Variants in ANKLE2 observed in about 807,000 individuals in gnomAD.
ANKLE2 encodes the protein ankyrin repeat and LEM domain-containing protein 2.
Under a neutral mutation model 84.2 loss-of-function variants are expected in ANKLE2, and 55 were observed. That is an observed-to-expected ratio of 0.65 (90% CI 0.53 to 0.82). The LOEUF (loss-of-function observed/expected upper bound fraction) is 0.82. Among genes scored for constraint, ANKLE2 ranks in the 40% least tolerant of loss-of-function variants. The pLI, the probability that ANKLE2 is intolerant of heterozygous loss-of-function variation, is 0.00. For synonymous variants in ANKLE2, 551 were observed against 486.1 expected, an observed-to-expected ratio of 1.13 and a Z score of -1.76; for missense variants, 1,238 against 1,201.9, an observed-to-expected ratio of 1.03 and a Z score of -0.44.
chr12:132,727,031 A>T lies in ANKLE2; in HGVS notation c.*211T>A, dbSNP rs11834753. ...ATGGATATTTTCCAGAAAATTGGTA[A>T]CTGAGTTTGCTTTCATTAACTTCTA... On this transcript the variant is annotated 3_prime_UTR_variant, in exon 13 of 13. Transcript: ENST00000357997. The T allele has an allele frequency of 0.013, 7,724 of 596,184 alleles. 403 individuals are homozygous for T. Among genetic ancestry groups the T allele is most frequent in the African/African-American group, 0.12 (6,473 of 53,884 alleles). 36.9% of individuals were successfully genotyped at this position (596,184 alleles called of 1,614,324 possible).
intron 6 of ANKLE2, chr12:132,742,188 C>T (rs1593159750): frequency 4.0e-5 from 3 of 74,852 alleles, no homozygotes; most frequent in African/African-American, 7.0e-5. Flanking sequence ...TACAGATACA[C>T]ACACACACAC....
At position 132,729,960 on chromosome 12, in the gene ANKLE2, AAC is replaced by A; in HGVS notation, c.2200_2201del (p.Val734Ter). ...AHLPPVSDLTVEFDKLNLQNI... is the reference protein window; with the variant it reads ...AHLPPVSDLTXEFDKLNLQNI... ...TTTGCAAATTCAGTTTATCAAACTC[AAC>A]AGTCAAATCCGAGACAGGTGGCAGA... On this transcript the variant is annotated frameshift_variant, in exon 11 of 13. Transcript: ENST00000357997. LOFTEE classifies it high-confidence loss of function. 1 of 1,613,484 alleles carries A rather than the reference AAC, an allele frequency of 6.2e-7. No individual in the cohort carries two copies. Among genetic ancestry groups the A allele is most frequent in the Non-Finnish European group, 8.5e-7 (1 of 1,179,928 alleles).
chr12:132,728,732 C>T (rs771782829), intron 11 of ANKLE2, among the ~76,000 whole-genome samples: 13 of 152,306 alleles, frequency 8.5e-5, no homozygotes, highest in South Asian at 6.2e-4. Context: ...AGGGAGGAGT[C>T]GCCTCTGGGT....
At chr12:132,746,865 C>A (rs966647348) in intron 5 of ANKLE2, among the ~76,000 whole-genome samples, 1 of 152,146 alleles carries the variant, frequency 6.6e-6, no homozygotes, top group African/African-American at 2.4e-5. Flanking sequence ...CGCTCCATCC[C>A]AGTGTATAAA....
intron 10 of ANKLE2, among the ~76,000 whole-genome samples, chr12:132,732,938 G>A (rs1404728444): frequency 3.5e-5 from 5 of 142,104 alleles, no homozygotes; most frequent in East Asian, 4.1e-4. Flanking sequence ...GATATGCACC[G>A]TGTGAAGCTC....
intron 10 of ANKLE2, chr12:132,731,341 G>A (rs913445088): frequency 7.2e-5 from 11 of 152,216 alleles, no homozygotes; most frequent in East Asian, 3.8e-4. Context: ...CACTGACGTC[G>A]CTCTAGTTCT....
At position 132,730,068 on chromosome 12, in the gene ANKLE2, T is replaced by G; in HGVS notation, c.2094A>C (p.Arg698Ser). The G allele has an allele frequency of 6.2e-7, 1 of 1,612,788 alleles. No individual in the cohort carries two copies. The highest frequency in any genetic ancestry group is 8.5e-7 in the Non-Finnish European group (1 of 1,179,714). Residue 698 changes from arginine (R) to serine (S), a missense_variant, in exon 11 of 13, where the codon AGA becomes AGC. By Grantham distance (110) the Arg-to-Ser change is moderately radical (BLOSUM62 -1). Around this residue, in one of 3 missense-constraint regions of ANKLE2, gnomAD observed 802 missense variants for 774.5 expected, o/e 1.04. Transcript: ENST00000357997. ...AAEPGGPHSSRNGLCHPLNHS... is the reference protein window; with the variant it reads ...AAEPGGPHSSSNGLCHPLNHS... The stretch of plus-strand genomic sequence containing the variant: ...GATTCAGAGGATGGCAGAGCCCATT[T>G]CTGCTGCTGTGTGGACCTCCCGGCT...
At chr12:132,740,511 T>C (rs1013238285) in intron 7 of ANKLE2, among the ~76,000 whole-genome samples, 2 of 152,014 alleles carry the variant, frequency 1.3e-5, no homozygotes, top group African/African-American at 4.8e-5. Context: ...CTGCTTTAAA[T>C]AGAGACAGAG....
chr12:132,750,874 A>C, intron 2 of ANKLE2, 25 bp from the exon 3 acceptor site: 1 of 1,606,522 alleles, frequency 6.2e-7, no homozygotes, highest in South Asian at 1.1e-5. Flanking sequence ...TAACAAATGA[A>C]AATCAGAGAA....
At chr12:132,736,616 G>A (rs1009788928) in intron 8 of ANKLE2, among the ~76,000 whole-genome samples, 6 of 152,230 alleles carry the variant, frequency 3.9e-5, no homozygotes, top group African/African-American at 9.6e-5. Context: ...GGCGACACGC[G>A]CACAGGACGG....
At chr12:132,756,948 A>C (rs2044499531) in intron 1 of ANKLE2, 1 of 151,648 alleles carries the variant, frequency 6.6e-6, no homozygotes, top group Non-Finnish European at 1.5e-5. Flanking sequence ...CAACAACAAC[A>C]AAAAAAACAA....
chr12:132,733,888 T>C, intron 10 of ANKLE2: 1 of 451,600 alleles, frequency 2.2e-6, no homozygotes. Flanking sequence ...AATGAAACTA[T>C]ATTAGATTTT....
chr12:132,748,383 C>A, intron 3 of ANKLE2, 52 bp from the exon 4 acceptor site: 1 of 1,599,926 alleles, frequency 6.3e-7, no homozygotes, highest in South Asian at 1.1e-5. Flanking sequence ...AAAAGTCACT[C>A]ATCACCCATG....
intron 7 of ANKLE2, among the ~76,000 whole-genome samples, chr12:132,740,082 T>C (rs1238542008): frequency 1.3e-5 from 2 of 152,220 alleles, no homozygotes; most frequent in Non-Finnish European, 2.9e-5. Flanking sequence ...TCTGACAGTG[T>C]GGTTTGAAAA....
chr12:132,734,081 A>C (rs976857001), intron 10 of ANKLE2: 6 of 490,452 alleles, frequency 1.2e-5, no homozygotes, highest in Non-Finnish European at 2.0e-5. Flanking sequence ...ACTAAAAAAA[A>C]AAAAAATACG....
rs370811042 is a variant in ANKLE2 at position 132,755,054 on chromosome 12, G to A, written c.261C>T (p.Ala87=). Residue 87 remains alanine, a synonymous_variant, in exon 2 of 13, where the codon GCC becomes GCT. Transcript: ENST00000357997. The part of the protein sequence containing the change: ...PDDLREEIVK[A]GLKCGPITST... ...ATGTAATGGGTCCACATTTCAATCC[G>A]GCTTTGACGATTTCTTCTCTAAGGT... 11 of 1,613,930 alleles carry A rather than the reference G, an allele frequency of 6.8e-6. No homozygotes were observed. The highest frequency in any genetic ancestry group is 1.3e-5 in the African/African-American group (1 of 74,970).
chr12:132,759,521 G>GATATGTGCTATGTGA lies in ANKLE2; in HGVS notation c.181+2096_181+2097insTCACATAGCACATAT, dbSNP rs1566042428. On this transcript the variant is annotated intron_variant, in intron 1 of 12. Coordinates refer to ENST00000357997, the MANE Select transcript of ANKLE2 (RefSeq NM_015114.3). ...CTAAATCTCTGCTGACTATATATATGTATACTATATGTGCTATATGATATA... is the reference window on the plus strand; with the variant it reads ...CTAAATCTCTGCTGACTATATATATGATATGTGCTATGTGATATACTATATGTGCTATATGATATA... 5.8e-4 allele frequency: 82 copies of GATATGTGCTATGTGA among 140,398 alleles called. 2 individuals are homozygous for GATATGTGCTATGTGA. The highest frequency in any genetic ancestry group is 2.5e-3 in the African/African-American group (78 of 30,738). The allele number at this position is 140,398 out of a possible 1,614,324, so 8.7% of individuals were successfully genotyped here. A position where few individuals can be genotyped will look rare whatever the true frequency, so the allele number is the denominator to read the frequency against.
At chr12:132,751,778 G>T (rs2044362382) in intron 2 of ANKLE2, among the ~76,000 whole-genome samples, 1 of 152,050 alleles carries the variant, frequency 6.6e-6, no homozygotes, top group Non-Finnish European at 1.5e-5. Context: ...CCTGACCTTA[G>T]GTGACCTGCC....
chr12:132,751,104 T>A (rs2044346167), intron 2 of ANKLE2: 1 of 329,700 alleles, frequency 3.0e-6, no homozygotes, highest in Admixed American at 4.7e-5. Context: ...CAAGATTCTA[T>A]CCTAAAAACT....
Sources: gnomAD v4.1 joint callset for allele counts (sites outside exome capture counted in the v4.1 genomes callset) on GRCh38, gnomAD v4.1.1 for gene constraint, gnomAD v4.1.1 regional missense constraint, MANE v1.5 for transcripts, NCBI Gene and HGNC (gene_info 2026-07-23, HGNC 2026-07-21) for gene names.